Variants in RBFOX1 observed in about 807,000 individuals in gnomAD.
The protein encoded by RBFOX1 is RNA binding protein fox-1 homolog 1.
Under a neutral mutation model 57.7 loss-of-function variants are expected in RBFOX1, and 8 were observed. That is an observed-to-expected ratio of 0.14 (90% CI 0.08 to 0.25). The LOEUF is 0.25. Ranked by LOEUF, RBFOX1 falls within the 10% of genes least tolerant of loss-of-function variation. RBFOX1 has a pLI of 1.00. For missense variants in RBFOX1, 611 were observed against 548.5 expected (o/e 1.11, Z -1.14); for synonymous variants, 326 against 222.4 (o/e 1.47, Z -4.15).
chr16:6,572,101 C>T (rs1005540431), intron 2 of RBFOX1, among the ~76,000 whole-genome samples: 1 of 152,136 alleles, frequency 6.6e-6, no homozygotes, highest in East Asian at 1.9e-4. Context: ...GCAAGCGTTC[C>T]AGGGTCTCTT....
At chr16:6,570,509 A>G (rs895552251) in intron 2 of RBFOX1, among the ~76,000 whole-genome samples, 6 of 152,226 alleles carry the variant, frequency 3.9e-5, no homozygotes, top group African/African-American at 1.4e-4. Context: ...ATATATATAT[A>G]CACACATACA....
chr16:5,696,562 C>T (rs1344846783), intron 3 of RBFOX1, among the ~76,000 whole-genome samples: 1 of 152,196 alleles, frequency 6.6e-6, no homozygotes, highest in Non-Finnish European at 1.5e-5. Flanking sequence ...CCGCATATTT[C>T]TAAAACCATC....
At chr16:6,477,910 C>G (rs2095299309) in intron 2 of RBFOX1, among the ~76,000 whole-genome samples, 1 of 152,174 alleles carries the variant, frequency 6.6e-6, no homozygotes, top group Non-Finnish European at 1.5e-5. Flanking sequence ...AGATACTCCT[C>G]CTTGCCTTCA....
chr16:7,309,020 G>C (rs2096253929), intron 4 of RBFOX1, among the ~76,000 whole-genome samples: 1 of 152,168 alleles, frequency 6.6e-6, no homozygotes, highest in Admixed American at 6.5e-5. Context: ...GATAGTGTCA[G>C]TAACGCAGAA....
At chr16:5,680,170 CA>C (rs1675370685) in intron 3 of RBFOX1, among the ~76,000 whole-genome samples, 1 of 152,124 alleles carries the variant, frequency 6.6e-6, no homozygotes, top group African/African-American at 2.4e-5. Flanking sequence ...TACAAAAACA[CA>C]TGAGCTGTGC....
intron 2 of RBFOX1, among the ~76,000 whole-genome samples, chr16:5,573,363 C>G (rs1006522475): frequency 6.6e-6 from 1 of 152,200 alleles, no homozygotes; most frequent in Non-Finnish European, 1.5e-5. Flanking sequence ...TGAGCTGTTC[C>G]ACCTCTTCCC....
In RBFOX1 at chr16:5,791,951, C is replaced by T. The variant is rs78318281; in HGVS notation, c.319-75352C>T. ...CCCTCCAGACTTCTTGGCGTTGCCT[C>T]TGGGGCTTGGAGGTCCTTTGTACAC... On this transcript the variant is annotated intron_variant, in intron 3 of 19. Coordinates refer to the RBFOX1 transcript ENST00000641259. Among the ~76,000 whole-genome samples the T allele has an allele frequency of 1.1e-3, 163 of 152,266 alleles. 1 individual carries two copies. In the East Asian group the frequency reaches 0.023, roughly 22 times the overall value.
intron 3 of RBFOX1, among the ~76,000 whole-genome samples, chr16:6,758,263 G>C (rs1257786014): frequency 2.0e-5 from 3 of 151,976 alleles, no homozygotes; most frequent in African/African-American, 4.8e-5. Flanking sequence ...TGCTTGCTTT[G>C]TTGGTGTAAA....
intron 5 of RBFOX1, among the ~76,000 whole-genome samples, chr16:7,535,714 A>G (rs1422663274): frequency 1.3e-5 from 2 of 152,204 alleles, no homozygotes. Context: ...AACTCCTACT[A>G]TGTATCACAC....
intron 3 of RBFOX1, among the ~76,000 whole-genome samples, chr16:6,915,129 C>T (rs551358598): frequency 1.3e-5 from 2 of 152,264 alleles, no homozygotes; most frequent in East Asian, 1.9e-4. Context: ...TAATCAGTGG[C>T]GGAGCCATGC....
intron 14 of RBFOX1, among the ~76,000 whole-genome samples, chr16:7,694,153 A>G (rs1411995225): frequency 6.6e-6 from 1 of 152,220 alleles, no homozygotes; most frequent in Non-Finnish European, 1.5e-5. Flanking sequence ...TTTTAAGCCT[A>G]AACTATGACC....
At chr16:7,459,177 G>A (rs2059098357) in intron 4 of RBFOX1, among the ~76,000 whole-genome samples, 1 of 151,994 alleles carries the variant, frequency 6.6e-6, no homozygotes, top group African/African-American at 2.4e-5. Context: ...TAGGTGGGTG[G>A]GTGGATGGAT....
intron 4 of RBFOX1, among the ~76,000 whole-genome samples, chr16:7,384,388 A>G (rs2097843453): frequency 6.6e-6 from 1 of 152,188 alleles, no homozygotes; most frequent in African/African-American, 2.4e-5. Flanking sequence ...CTTTATATTT[A>G]TACCATTACA....
intron 1 of RBFOX1, among the ~76,000 whole-genome samples, chr16:5,329,808 G>A (rs1391226590): frequency 6.6e-6 from 1 of 152,078 alleles, no homozygotes; most frequent in African/African-American, 2.4e-5. Flanking sequence ...GACCATCCTG[G>A]CTAACATGGT....
intron 2 of RBFOX1, among the ~76,000 whole-genome samples, chr16:6,455,578 T>A (rs2094750258): frequency 6.6e-6 from 1 of 152,140 alleles, no homozygotes; most frequent in African/African-American, 2.4e-5. Flanking sequence ...TATGACACAC[T>A]CCTTTTCTTT....
intron 3 of RBFOX1, among the ~76,000 whole-genome samples, chr16:6,994,873 C>G (rs975926993): frequency 2.6e-5 from 4 of 151,928 alleles, no homozygotes; most frequent in Non-Finnish European, 1.5e-5. Context: ...GTTATCAAAA[C>G]AAAATTCCAA....
intron 4 of RBFOX1, among the ~76,000 whole-genome samples, chr16:5,977,602 C>T (rs1431798739): frequency 6.6e-6 from 1 of 152,182 alleles, no homozygotes; most frequent in Non-Finnish European, 1.5e-5. Context: ...CTGGGAACAA[C>T]TGCAAGGCTG....
At chr16:6,288,220 T>C (rs4255787) in intron 1 of RBFOX1, among the ~76,000 whole-genome samples, 24,341 of 126,790 alleles carry the variant, frequency 0.19, 2,324 homozygotes, top group Non-Finnish European at 0.23. Flanking sequence ...TCAACAATGC[T>C]TATCAGAATG....
At chr16:5,505,389 A>G (rs969644934) in intron 2 of RBFOX1, among the ~76,000 whole-genome samples, 3 of 152,030 alleles carry the variant, frequency 2.0e-5, no homozygotes, top group Non-Finnish European at 2.9e-5. Context: ...AGTTTGTTCT[A>G]TCTCATATTT....
Sources: gnomAD v4.1 joint callset for allele counts (sites outside exome capture counted in the v4.1 genomes callset) on GRCh38, gnomAD v4.1.1 for gene constraint, MANE v1.5 for transcripts, NCBI Gene and HGNC (gene_info 2026-07-23, HGNC 2026-07-21) for gene names.